The following DDX59 variants were observed in gnomAD, a reference collection of about 807,000 sequenced individuals.
DDX59 encodes DEAD-box helicase 59, also known as probable ATP-dependent RNA helicase DDX59.
In DDX59, 30 loss-of-function variants were observed where a neutral mutation model predicts 51.9. The ratio of observed to expected loss-of-function variants is 0.58; its 90% CI spans 0.43 to 0.78. The LOEUF is 0.78. Ranked by LOEUF, DDX59 falls within the 30% of genes least tolerant of loss-of-function variation. The pLI is 0.00. For missense variants in DDX59, 672 were observed against 730.8 expected (o/e 0.92, Z 0.93); for synonymous variants, 255 against 253.3 (o/e 1.01, Z -0.06).
downstream of DDX59, chr1:200,641,295 G>T: frequency 8.8e-7 from 1 of 1,130,644 alleles, no homozygotes; most frequent in Non-Finnish European, 1.2e-6. Flanking sequence ...TGGAAAATAT[G>T]ACAGGTCGTG....
downstream of DDX59, among the ~76,000 whole-genome samples, chr1:200,641,900 G>A (rs1571598862): frequency 2.0e-5 from 3 of 152,308 alleles, no homozygotes; most frequent in East Asian, 5.8e-4. Context: ...CTACTCAGGA[G>A]GCTGAGGCAG....
At chr1:200,643,046 A>T (rs1200371270), downstream of DDX59, among the ~76,000 whole-genome samples, 2 of 152,148 alleles carry the variant, frequency 1.3e-5, no homozygotes, top group African/African-American at 4.8e-5. Context: ...CTCTCAAATA[A>T]TATTATTTTT....
At chr1:200,641,123 C>G (rs769345093), downstream of DDX59, 1 of 1,278,356 alleles carries the variant, frequency 7.8e-7, no homozygotes, top group Non-Finnish European at 1.0e-6. Flanking sequence ...TTGGATGACA[C>G]GTTACCTCTT....
At position 200,648,466 on chromosome 1, in the gene DDX59, A is replaced by G. The variant is rs1661437800; in HGVS notation, c.1569T>C (p.Pro523=). The G allele has an allele frequency of 9.3e-6, 15 of 1,614,158 alleles. No homozygotes were observed. Among genetic ancestry groups the G allele is most frequent in the Non-Finnish European group, 1.2e-5 (14 of 1,180,000 alleles). Residue 523 remains proline (P), a synonymous_variant, in exon 7 of 8, where the codon CCT becomes CCC. Transcript: ENST00000331314. ...SVRLVVNFDM[P]SSMDEYVHQI... is the part of the protein sequence containing the mutation. ...GATGGACATACTCATCCATACTTGA[A>G]GGCATATCAAAATTGACAACCAGCC... is the stretch of plus-strand genomic sequence containing the variant.
In DDX59 at chr1:200,646,425, A is replaced by G. The variant is rs899243305; in HGVS notation, c.1597-1908T>C. On this transcript the variant is annotated intron_variant, in intron 7 of 7. Transcript: ENST00000331314. ...CAAAGAACTTTCACAACTCAAAAATAAAAACCCAATTTAAAAATGGACAAC... is the reference window on the plus strand; with the variant it reads ...CAAAGAACTTTCACAACTCAAAAATGAAAACCCAATTTAAAAATGGACAAC... Among the ~76,000 whole-genome samples the G allele has an allele frequency of 6.6e-5, 10 of 152,324 alleles. No individual in the cohort carries two copies. The East Asian group carries it at 1.9e-3, about 29-fold the overall frequency.
chr1:200,667,387 G>A (rs1662840468), intron 1 of DDX59, among the ~76,000 whole-genome samples: 1 of 152,232 alleles, frequency 6.6e-6, no homozygotes, highest in Non-Finnish European at 1.5e-5. Context: ...GGGCAACACA[G>A]TGAGTGTCCT....
rs199891141 is a variant in DDX59 at position 200,648,579 on chromosome 1, A to C, written c.1468-12T>G. 4,494 of 1,601,580 alleles carry C rather than the reference A, an allele frequency of 2.8e-3. 11 individuals carry two copies. Among genetic ancestry groups the C allele is most frequent in the Non-Finnish European group, 3.6e-3 (4,210 of 1,175,506 alleles). ...CCTTCAAGTAATCCCTTTCCAAAAAAGCAACAAAATTTATTATTCAGAATT... is the reference window on the plus strand; with the variant it reads ...CCTTCAAGTAATCCCTTTCCAAAAACGCAACAAAATTTATTATTCAGAATT... On this transcript the variant is annotated splice_polypyrimidine_tract_variant and intron_variant, in intron 6 of 7. Transcript: ENST00000331314.
downstream of DDX59, among the ~76,000 whole-genome samples, chr1:200,643,266 G>A (rs1661102845): frequency 6.6e-6 from 1 of 151,648 alleles, no homozygotes; most frequent in Admixed American, 6.6e-5. Context: ...AGTATAGGGT[G>A]ACAGGGTGAG....
chr1:200,665,454 GC>G (rs959853960), intron 2 of DDX59, among the ~76,000 whole-genome samples: 2 of 148,832 alleles, frequency 1.3e-5, no homozygotes, highest in African/African-American at 5.0e-5. Context: ...TTGCACTCCA[GC>G]CTGGGCGACA....
chr1:200,651,321 G>A (rs546380969), intron 4 of DDX59, among the ~76,000 whole-genome samples: 1 of 152,206 alleles, frequency 6.6e-6, no homozygotes, highest in African/African-American at 2.4e-5. Context: ...TTCATATGTT[G>A]AAATCTAACC....
chr1:200,655,026 G>A (rs890013106), intron 4 of DDX59: 10 of 152,166 alleles, frequency 6.6e-5, no homozygotes, highest in African/African-American at 2.4e-4. Flanking sequence ...GGATTCCGAT[G>A]CCTATTTTAT....
chr1:200,649,968 G>A (rs892610434), intron 5 of DDX59, among the ~76,000 whole-genome samples: 15 of 150,298 alleles, frequency 1.0e-4, no homozygotes, highest in Middle Eastern at 3.2e-3. Flanking sequence ...TCAGCCTCCC[G>A]AGTGGCTGGG....
At chr1:200,643,118 C>T (rs1661095918), downstream of DDX59, among the ~76,000 whole-genome samples, 1 of 151,730 alleles carries the variant, frequency 6.6e-6, no homozygotes, top group Admixed American at 6.6e-5. Context: ...TCATTTGAGG[C>T]CAGGAGTTTG....
chr1:200,646,711 AAC>A (rs1661317009), intron 7 of DDX59, among the ~76,000 whole-genome samples: 1 of 152,212 alleles, frequency 6.6e-6, no homozygotes, highest in Non-Finnish European at 1.5e-5. Context: ...CAAAATGCTA[AAC>A]ACAGAGTTAC....
downstream of DDX59, chr1:200,641,030 G>C (rs1384124432): frequency 2.3e-6 from 1 of 440,824 alleles, no homozygotes; most frequent in African/African-American, 2.0e-5. Flanking sequence ...AGCCTCTGAG[G>C]TCATTGTAAG....
At chr1:200,641,133 T>C, downstream of DDX59, 1 of 1,294,416 alleles carries the variant, frequency 7.7e-7, no homozygotes. Context: ...CGTTACCTCT[T>C]GTACCATACC....
At chr1:200,659,216 G>A in intron 3 of DDX59, 100 bp from the exon 4 acceptor site, 2 of 842,482 alleles carry the variant, frequency 2.4e-6, no homozygotes, top group Non-Finnish European at 3.9e-6. Flanking sequence ...CAGACACTGT[G>A]TTAAGCACCC....
At chr1:200,656,857 C>A (rs928204081) in intron 4 of DDX59, among the ~76,000 whole-genome samples, 17 of 152,126 alleles carry the variant, frequency 1.1e-4, no homozygotes, top group African/African-American at 3.9e-4. Context: ...AATTCAAGAC[C>A]AGCCTGGGCA....
intron 4 of DDX59, among the ~76,000 whole-genome samples, chr1:200,651,023 ATGAT>A (rs1274712934): frequency 1.3e-5 from 2 of 152,156 alleles, no homozygotes; most frequent in African/African-American, 4.8e-5. Flanking sequence ...TAAATAATGA[ATGAT>A]TGCTAGGTTA....
Sources: gnomAD v4.1 joint callset for allele counts (sites outside exome capture counted in the v4.1 genomes callset) on GRCh38, gnomAD v4.1.1 for gene constraint, MANE v1.5 for transcripts, NCBI Gene and HGNC (gene_info 2026-07-23, HGNC 2026-07-21) for gene names.